The following CSNK2A1 variants were observed in gnomAD, a reference collection of about 807,000 sequenced individuals.
The protein encoded by CSNK2A1 is casein kinase II subunit alpha.
In CSNK2A1, 10 loss-of-function variants were observed where a neutral mutation model predicts 62.9. The observed-to-expected ratio is 0.16, with a 90% confidence interval of 0.10 to 0.27. The LOEUF (loss-of-function observed/expected upper bound fraction) is 0.27. Among genes scored for constraint, CSNK2A1 ranks in the 10% least tolerant of loss-of-function variants. CSNK2A1 has a pLI of 1.00. For synonymous variants in CSNK2A1, 124 were observed against 167.8 expected, an observed-to-expected ratio of 0.74 and a Z score of 2.02; for missense variants, 160 against 492.0, an observed-to-expected ratio of 0.33 and a Z score of 6.38.
rs750062577 is a variant in CSNK2A1 at position 478,765 on chromosome 20, C to CAAA, written c.*5193_*5195dup. 0.011 allele frequency: 1,880 copies of CAAA among 175,738 alleles called. 38 individuals are homozygous for CAAA. Among genetic ancestry groups the CAAA allele is most frequent in the African/African-American group, 0.054 (1,706 of 31,782 alleles). The allele number at this position is 175,738 out of a possible 1,614,324, so 10.9% of individuals were successfully genotyped here. ...CAACACGGCAAAACTTCATCTCTACCAAAAAAAAAAAAAAAAAAATTAGCC... is the reference window on the plus strand; with the variant it reads ...CAACACGGCAAAACTTCATCTCTACCAAAAAAAAAAAAAAAAAAAAAATTAGCC... On this transcript the variant is annotated 3_prime_UTR_variant, in exon 14 of 14. Coordinates refer to ENST00000217244, the MANE Select transcript of CSNK2A1 (RefSeq NM_177559.3).
intron 1 of CSNK2A1, among the ~76,000 whole-genome samples, chr20:538,275 T>C (rs1440136936): frequency 3.9e-5 from 6 of 152,268 alleles, no homozygotes; most frequent in South Asian, 2.1e-4. Context: ...TCAGGGAACA[T>C]AGTTCAAAAG....
intron 1 of CSNK2A1, among the ~76,000 whole-genome samples, chr20:541,703 A>G (rs1450439792): frequency 1.3e-5 from 2 of 152,080 alleles, no homozygotes; most frequent in Non-Finnish European, 2.9e-5. Context: ...TTAAATGTGT[A>G]TTTCTCTTCT....
intron 9 of CSNK2A1, among the ~76,000 whole-genome samples, chr20:490,335 C>CTTTTTT (rs907727482): frequency 0.22 from 18,281 of 83,980 alleles, 1,998 homozygotes; most frequent in East Asian, 0.55. Flanking sequence ...CTAGTTTTTT[C>CTTTTTT]TTTTTTTTTT....
intron 3 of CSNK2A1, chr20:506,803 G>A (rs1217548426): frequency 6.6e-6 from 1 of 152,104 alleles, no homozygotes; most frequent in Non-Finnish European, 1.5e-5. Context: ...TCCTATGGGA[G>A]GGCATACAAA....
chr20:484,174 T>C, intron 13 of CSNK2A1, 98 bp from the exon 14 acceptor site: 1 of 962,260 alleles, frequency 1.0e-6, no homozygotes, highest in Non-Finnish European at 1.5e-6. Flanking sequence ...AATAATTCTT[T>C]ACTGAAGACT....
rs796982756 is a variant in CSNK2A1, at chr20:518,933, CTTTTTTTT to C, written c.-110+8992_-110+8999del. On this transcript the variant is annotated intron_variant, in intron 2 of 13. Coordinates refer to ENST00000217244, the MANE Select transcript of CSNK2A1 (RefSeq NM_177559.3). ...AAATATAGTGAAATCGTTGGATATACTTTTTTTTTTTTTTTTTTTTGCCACAAAGTCTT... is the reference window on the plus strand; with the variant it reads ...AAATATAGTGAAATCGTTGGATATACTTTTTTTTTTTTGCCACAAAGTCTT... Among the ~76,000 whole-genome samples, 30 of 123,718 alleles carry C rather than the reference CTTTTTTTT, an allele frequency of 2.4e-4. No individual in the cohort carries two copies. In the East Asian group the frequency reaches 6.5e-3, roughly 27 times the overall value. The allele number at this position is 123,718 out of a possible 152,430, so 81.2% of individuals were successfully genotyped here.
intron 2 of CSNK2A1, among the ~76,000 whole-genome samples, chr20:511,213 G>A (rs985356832): frequency 3.9e-5 from 6 of 152,028 alleles, no homozygotes; most frequent in Non-Finnish European, 5.9e-5. Context: ...GATGGTGTCT[G>A]CCTGCAGTCC....
At position 499,242 on chromosome 20, in the gene CSNK2A1, TTA is replaced by T; in HGVS notation, c.366+11_366+12del. 1 of 1,594,220 alleles carries T rather than the reference TTA, an allele frequency of 6.3e-7. No individual in the cohort carries two copies. The highest frequency in any genetic ancestry group is 8.5e-7 in the Non-Finnish European group (1 of 1,170,098). The stretch of plus-strand genomic sequence containing the variant: ...AAACCCACTAGCCCGAAACAGTTGG[TTA>T]TATATTATACCTTGAAGTCTGTGTT... On this transcript the variant is annotated intron_variant, in intron 6 of 13. Coordinates refer to ENST00000217244, the MANE Select transcript of CSNK2A1 (RefSeq NM_177559.3). The surrounding 1 kb of genome is among the most constrained non-coding windows in gnomAD (Gnocchi z 4.2).
chr20:495,087 A>G (rs2018318433), intron 8 of CSNK2A1: 1 of 152,280 alleles, frequency 6.6e-6, no homozygotes, highest in South Asian at 2.1e-4. Context: ...TCACTTACAT[A>G]TCCCCAGCCC....
Position 524,694 on chromosome 20 carries a change from C to T in CSNK2A1, c.-110+3239G>A, listed in dbSNP as rs144822285. Among the ~76,000 whole-genome samples the T allele has an allele frequency of 4.7e-3, 516 of 109,498 alleles. 6 individuals carry two copies. Among genetic ancestry groups the T allele is most frequent in the African/African-American group, 0.018 (471 of 26,582 alleles). 71.8% of individuals were successfully genotyped at this position (109,498 alleles called of 152,430 possible). Reference sequence around the variant, plus strand: ...GCAGTGGGCACTCCAGCATGGGTGACGGAGACTCCATCTCAAAAAAAAAAA... The same window carrying T: ...GCAGTGGGCACTCCAGCATGGGTGATGGAGACTCCATCTCAAAAAAAAAAA... On this transcript the variant is annotated intron_variant, in intron 2 of 13. Coordinates refer to ENST00000217244, the MANE Select transcript of CSNK2A1 (RefSeq NM_177559.3).
At chr20:490,767 G>A (rs1268429240) in intron 9 of CSNK2A1, among the ~76,000 whole-genome samples, 1 of 147,428 alleles carries the variant, frequency 6.8e-6, no homozygotes, top group African/African-American at 2.5e-5. Context: ...GTGTAGTGGC[G>A]TGATCATAGC....
At chr20:525,815 A>AT (rs956047108) in intron 2 of CSNK2A1, among the ~76,000 whole-genome samples, 16 of 135,264 alleles carry the variant, frequency 1.2e-4, no homozygotes, top group Admixed American at 3.2e-4. Context: ...CCCTGTCTCT[A>AT]TTTTTTTAAC....
chr20:515,433 A>T (rs921384388), intron 2 of CSNK2A1, among the ~76,000 whole-genome samples: 1 of 152,246 alleles, frequency 6.6e-6, no homozygotes, highest in African/African-American at 2.4e-5. Context: ...AGCTTTAAGT[A>T]TCTAACTCTT....
rs1285678829 is a variant in CSNK2A1 at position 473,141 on chromosome 20, T to A, written c.*10820A>T. ...GTGCAGGCTGGCCTGCCAGAGGGAT[T>A]TTCTCCTTCCATGTGTGCTCCCTGC... On this transcript the variant is annotated 3_prime_UTR_variant, in exon 14 of 14. Coordinates refer to ENST00000217244, the MANE Select transcript of CSNK2A1 (RefSeq NM_177559.3). 6.6e-6 allele frequency: 1 copy of A among 152,568 alleles called. No individual in the cohort carries two copies. Among genetic ancestry groups the A allele is most frequent in the Non-Finnish European group, 1.5e-5 (1 of 68,332 alleles). 9.5% of individuals were successfully genotyped at this position (152,568 alleles called of 1,614,324 possible).
At chr20:531,150 A>C (rs2019204383) in intron 1 of CSNK2A1, among the ~76,000 whole-genome samples, 1 of 152,234 alleles carries the variant, frequency 6.6e-6, no homozygotes, top group Non-Finnish European at 1.5e-5. Context: ...AATATTTTTC[A>C]AAGTGACAGT....
chr20:527,003 G>GAGAC (rs2019108655), intron 2 of CSNK2A1: 1 of 98,258 alleles, frequency 1.0e-5, no homozygotes. Context: ...GAGACAGACA[G>GAGAC]AGAGAGAGAG....
At position 474,990 on chromosome 20, in the gene CSNK2A1, TAAATGG is replaced by T. The variant is rs2017818666; in HGVS notation, c.*8965_*8970del. The T allele has an allele frequency of 6.6e-6, 1 of 152,188 alleles. No individual in the cohort carries two copies. The highest frequency in any genetic ancestry group is 2.4e-5 in the African/African-American group (1 of 41,430). The allele number at this position is 152,188 out of a possible 1,614,324, so 9.4% of individuals were successfully genotyped here. ...AATATACTGAGAAGTGCCCCAAACG[TAAATGG>T]AGAGTTTAACAAATAATTATAGAGC... On this transcript the variant is annotated 3_prime_UTR_variant, in exon 14 of 14. Coordinates refer to ENST00000217244, the MANE Select transcript of CSNK2A1 (RefSeq NM_177559.3).
rs1428131356 is a variant in CSNK2A1 at position 543,780 on chromosome 20, A to G, written c.-335T>C. The G allele has an allele frequency of 5.0e-6, 2 of 398,384 alleles. No homozygotes were observed. The highest frequency in any genetic ancestry group is 2.1e-5 in the African/African-American group (1 of 48,640). 24.7% of individuals were successfully genotyped at this position (398,384 alleles called of 1,614,324 possible). On this transcript the variant is annotated 5_prime_UTR_variant, in exon 1 of 14. Transcript: ENST00000217244. ...GGCTCGGCCGCCAGCCGCAGGGACC[A>G]GAGCGAGGCTGCAGCCGCTGCTGCC...
intron 1 of CSNK2A1, 30 bp from the exon 2 acceptor site, chr20:528,079 G>C (rs1057141782): frequency 2.0e-5 from 3 of 152,196 alleles, no homozygotes; most frequent in Non-Finnish European, 2.9e-5. Flanking sequence ...CTCCGTTACT[G>C]AAAGGATCTT....
Sources: allele counts gnomAD v4.1 joint callset (sites outside exome capture counted in the v4.1 genomes callset), GRCh38; gene constraint gnomAD v4.1.1; non-coding constraint Gnocchi (gnomAD v3.1); transcripts MANE v1.5; gene names NCBI Gene and HGNC (gene_info 2026-07-23, HGNC 2026-07-21).